Variants in CTNNA2 observed in about 807,000 individuals in gnomAD.
CTNNA2 encodes the protein catenin alpha-2.
In CTNNA2, 42 loss-of-function variants were observed where a neutral mutation model predicts 101.0. The ratio of observed to expected loss-of-function variants is 0.42; its 90% CI spans 0.32 to 0.54. CTNNA2 has a LOEUF of 0.54. Among genes scored for constraint, CTNNA2 ranks in the 20% least tolerant of loss-of-function variants. The probability of loss-of-function intolerance (pLI) is 0.14; values close to 1 mark genes in which losing one functional copy is unlikely to be tolerated. For missense variants in CTNNA2, 871 were observed against 1,223.1 expected (o/e 0.71, Z 4.29); for synonymous variants, 450 against 456.4 (o/e 0.99, Z 0.18).
At chr2:80,552,624 AC>A (rs145111466) in intron 11 of CTNNA2, among the ~76,000 whole-genome samples, 3,239 of 152,284 alleles carry the variant, frequency 0.021, 104 homozygotes, top group African/African-American at 0.073. Context: ...CACTGTGTGA[AC>A]ATCACATACT....
chr2:79,294,184 A>G (rs1350745709), intron 2 of CTNNA2, among the ~76,000 whole-genome samples: 1 of 150,296 alleles, frequency 6.7e-6, no homozygotes, highest in Non-Finnish European at 1.5e-5. Context: ...AGAGAGAGAG[A>G]GAAAGAGAGA....
At chr2:79,852,163 A>G (rs1197468791) in intron 3 of CTNNA2, among the ~76,000 whole-genome samples, 1 of 152,216 alleles carries the variant, frequency 6.6e-6, no homozygotes, top group Non-Finnish European at 1.5e-5. Context: ...AAAAGATGAT[A>G]TGCAGTTGTA....
chr2:80,108,513 T>G (rs962188004), intron 7 of CTNNA2, among the ~76,000 whole-genome samples: 2 of 152,200 alleles, frequency 1.3e-5, no homozygotes, highest in Non-Finnish European at 2.9e-5. Flanking sequence ...CAGTTGACTT[T>G]CCTGCTGAGC....
At chr2:80,104,882 A>G (rs1700784116) in intron 7 of CTNNA2, among the ~76,000 whole-genome samples, 2 of 152,170 alleles carry the variant, frequency 1.3e-5, no homozygotes, top group Admixed American at 6.5e-5. Flanking sequence ...GTAAATGTAC[A>G]TTGTACAGGA....
At chr2:80,460,165 A>G (rs1190636995) in intron 9 of CTNNA2, among the ~76,000 whole-genome samples, 3 of 152,160 alleles carry the variant, frequency 2.0e-5, no homozygotes, top group Non-Finnish European at 4.4e-5. Flanking sequence ...TGTTCGTAGA[A>G]GAAAAAAAAT....
chr2:80,589,860 CTGTG>C (rs59206973), intron 15 of CTNNA2, among the ~76,000 whole-genome samples: 14,927 of 140,432 alleles, frequency 0.11, 739 homozygotes, highest in South Asian at 0.15. Context: ...ATATGTACCT[CTGTG>C]TGTGTGTGTG....
At chr2:79,572,973 C>A (rs957348260) in intron 1 of CTNNA2, among the ~76,000 whole-genome samples, 1 of 152,122 alleles carries the variant, frequency 6.6e-6, no homozygotes, top group African/African-American at 2.4e-5. Flanking sequence ...ACATATGGCA[C>A]ATTAATTATA....
intron 7 of CTNNA2, among the ~76,000 whole-genome samples, chr2:80,255,877 TA>T (rs1672102370): frequency 6.6e-6 from 1 of 152,116 alleles, no homozygotes; most frequent in African/African-American, 2.4e-5. Context: ...TCCGGGAAAA[TA>T]AATACAGGCC....
chr2:79,848,102 GACTT>G (rs567015068), intron 3 of CTNNA2, among the ~76,000 whole-genome samples: 61 of 151,188 alleles, frequency 4.0e-4, no homozygotes, highest in African/African-American at 1.4e-3. Flanking sequence ...AGAGAGACTT[GACTT>G]ACTTATTGAA....
chr2:80,344,968 T>C (rs1672599525), intron 7 of CTNNA2, among the ~76,000 whole-genome samples: 1 of 152,182 alleles, frequency 6.6e-6, no homozygotes, highest in African/African-American at 2.4e-5. Context: ...GCACTTACTG[T>C]TTCTCACCAC....
intron 4 of CTNNA2, among the ~76,000 whole-genome samples, chr2:79,398,397 A>G (rs1292889944): frequency 1.3e-5 from 2 of 152,110 alleles, no homozygotes; most frequent in Admixed American, 1.3e-4. Context: ...AGTTCAGACA[A>G]ACTTTAAAAG....
chr2:80,369,657 C>A (rs954487671), intron 7 of CTNNA2, among the ~76,000 whole-genome samples: 1 of 152,062 alleles, frequency 6.6e-6, no homozygotes, highest in Non-Finnish European at 1.5e-5. Context: ...AGGTTAAAGA[C>A]CCTGAGATGG....
At chr2:79,965,659 A>G (rs1310803125) in intron 7 of CTNNA2, among the ~76,000 whole-genome samples, 2 of 151,992 alleles carry the variant, frequency 1.3e-5, no homozygotes, top group Non-Finnish European at 2.9e-5. Context: ...CGCTGTCTCT[A>G]CTACAAATAC....
At chr2:79,684,430 C>T (rs146430196) in intron 2 of CTNNA2, among the ~76,000 whole-genome samples, 15 of 152,122 alleles carry the variant, frequency 9.9e-5, no homozygotes, top group Non-Finnish European at 1.8e-4. Context: ...TTATTCTTAA[C>T]ATATTTAGCT....
At chr2:80,561,982 T>C (rs1373472633) in intron 12 of CTNNA2, among the ~76,000 whole-genome samples, 1 of 152,028 alleles carries the variant, frequency 6.6e-6, no homozygotes, top group Non-Finnish European at 1.5e-5. Context: ...GGCCACGTTT[T>C]TTATGTAAAC....
chr2:80,201,938 T>A (rs1214984432), intron 7 of CTNNA2, among the ~76,000 whole-genome samples: 1 of 152,206 alleles, frequency 6.6e-6, no homozygotes, highest in Non-Finnish European at 1.5e-5. Context: ...TACATTTTAA[T>A]GGGCCTAATT....
intron 1 of CTNNA2, among the ~76,000 whole-genome samples, chr2:79,528,750 A>G (rs887645316): frequency 2.0e-5 from 3 of 152,184 alleles, no homozygotes; most frequent in African/African-American, 4.8e-5. Context: ...CACAAAATGA[A>G]TATTTCTTTA....
At chr2:79,440,184 CT>C (rs1678761744) in intron 4 of CTNNA2, among the ~76,000 whole-genome samples, 1 of 152,008 alleles carries the variant, frequency 6.6e-6, no homozygotes, top group Admixed American at 6.6e-5. Context: ...CACAAATGAT[CT>C]CTTCTTTGCA....
At position 80,608,358 on chromosome 2, in the gene CTNNA2, G is replaced by A. The variant is rs375131116; in HGVS notation, c.2430+40G>A. 168 of 1,577,598 alleles carry A rather than the reference G, an allele frequency of 1.1e-4. 2 individuals are homozygous for A. In the African/African-American group the frequency reaches 1.4e-3, roughly 13 times the overall value. On this transcript the variant is annotated intron_variant, in intron 17 of 18. Transcript: ENST00000402739. ...GGCTTCACAATGTAAAGTTCCCACC[G>A]TTGCACTTCCAAGGCAAACATTCTT... is the stretch of plus-strand genomic sequence containing the variant.
Sources: allele counts gnomAD v4.1 joint callset (sites outside exome capture counted in the v4.1 genomes callset), GRCh38; gene constraint gnomAD v4.1.1; transcripts MANE v1.5; gene names NCBI Gene and HGNC (gene_info 2026-07-23, HGNC 2026-07-21).